CELSR1: variants seen among roughly 807,000 people sequenced by gnomAD.
CELSR1 encodes the protein adhesion G protein-coupled receptor C1.
In CELSR1, 110 loss-of-function variants were observed where a neutral mutation model predicts 249.1. That is an observed-to-expected ratio of 0.44 (90% CI 0.38 to 0.52). The LOEUF (loss-of-function observed/expected upper bound fraction) is 0.52, where lower values mean the gene tolerates loss of function less well. Ranked by LOEUF, CELSR1 falls within the 20% of genes least tolerant of loss-of-function variation. CELSR1 has a pLI of 0.00. For synonymous variants in CELSR1, 2,113 were observed against 1,900.0 expected, an observed-to-expected ratio of 1.11 and a Z score of -2.92; for missense variants, 4,109 against 4,296.4, an observed-to-expected ratio of 0.96 and a Z score of 1.22.
chr22:46,410,856 A>G lies in CELSR1; in HGVS notation c.4770-295T>C, dbSNP rs114952510. ...ACCGAGACAGGATGTGAGCGCAGGG[A>G]GCACAGGTCAAGGCCAGCAGGGACT... On this transcript the variant is annotated intron_variant, in intron 6 of 34. Coordinates refer to ENST00000674500, the MANE Select transcript of CELSR1 (RefSeq NM_001378328.1). This position sits in a 1 kb window ranked among gnomAD's most constrained non-coding sequence, Gnocchi z 6.8. Among the ~76,000 whole-genome samples the G allele has an allele frequency of 6.6e-6, 1 of 151,852 alleles. No individual in the cohort carries two copies. Among genetic ancestry groups the G allele is most frequent in the African/African-American group, 2.4e-5 (1 of 41,410 alleles).
Position 46,449,655 on chromosome 22 carries a change from T to TA in CELSR1, c.4184-10245dup, listed in dbSNP as rs201585778. 4.6e-5 allele frequency among the ~76,000 whole-genome samples: 7 copies of TA among 151,908 alleles called. No homozygotes were observed. In the South Asian group the frequency reaches 1.0e-3, roughly 23 times the overall value. On this transcript the variant is annotated intron_variant, in intron 2 of 34. Coordinates refer to ENST00000674500, the MANE Select transcript of CELSR1 (RefSeq NM_001378328.1). ...TGCCCTCATGGAGTTTCCATCTAGG[T>TA]AAAAAAATGTCAGATGTTCAGAAAA...
chr22:46,464,468 C>T lies in CELSR1; in HGVS notation c.3545-123G>A, dbSNP rs2080074839. ...GGAGAAGAGAGCCTGGGCATCCCCACTCCCCATTCCCCACCCATGACCACC... is the reference window on the plus strand; with the variant it reads ...GGAGAAGAGAGCCTGGGCATCCCCATTCCCCATTCCCCACCCATGACCACC... On this transcript the variant is annotated intron_variant, in intron 1 of 34. Transcript: ENST00000674500. The surrounding 1 kb of genome is among the most constrained non-coding windows in gnomAD (Gnocchi z 8.5). 1 of 989,226 alleles carries T rather than the reference C, an allele frequency of 1.0e-6. No homozygotes were observed. Among genetic ancestry groups the T allele is most frequent in the African/African-American group, 1.6e-5 (1 of 61,392 alleles). The allele number at this position is 989,226 out of a possible 1,614,324, so 61.3% of individuals were successfully genotyped here.
chr22:46,515,171 C>G (rs1409804643), intron 1 of CELSR1, among the ~76,000 whole-genome samples: 5 of 152,158 alleles, frequency 3.3e-5, no homozygotes, highest in African/African-American at 1.2e-4. Flanking sequence ...CAGTAGGAGC[C>G]ATTCCACCCG....
At chr22:46,416,284 G>A (rs979952723) in intron 5 of CELSR1, among the ~76,000 whole-genome samples, 11 of 152,264 alleles carry the variant, frequency 7.2e-5, no homozygotes, top group African/African-American at 2.7e-4. Context: ...CACAGGATGG[G>A]CCAAGGCCAG....
intron 1 of CELSR1, among the ~76,000 whole-genome samples, chr22:46,505,227 A>C (rs2080503827): frequency 7.6e-6 from 1 of 131,986 alleles, no homozygotes; most frequent in Admixed American, 8.7e-5. Context: ...GCGCCACTGC[A>C]CTCCAGCCTG....
At chr22:46,461,907 T>G (rs2080033041) in intron 2 of CELSR1, among the ~76,000 whole-genome samples, 3 of 152,170 alleles carry the variant, frequency 2.0e-5, no homozygotes, top group Non-Finnish European at 4.4e-5. Context: ...AGCTGGCCCT[T>G]CAGAGAGGCA....
chr22:46,388,857 G>A (rs1379366485), intron 18 of CELSR1, among the ~76,000 whole-genome samples: 1 of 152,110 alleles, frequency 6.6e-6, no homozygotes, highest in Non-Finnish European at 1.5e-5. Flanking sequence ...GTGGACATGG[G>A]GGCCCACTGC....
At chr22:46,453,627 G>C (rs2079911822) in intron 2 of CELSR1, among the ~76,000 whole-genome samples, 1 of 152,220 alleles carries the variant, frequency 6.6e-6, no homozygotes, top group Non-Finnish European at 1.5e-5. Flanking sequence ...CCACACCAGA[G>C]AAAAGGCTTG....
chr22:46,510,327 G>T lies in CELSR1; in HGVS notation c.3544+23300C>A, dbSNP rs559029012. Among the ~76,000 whole-genome samples the T allele has an allele frequency of 3.9e-4, 59 of 152,158 alleles. No individual in the cohort carries two copies. In the East Asian group the frequency reaches 0.01, roughly 27 times the overall value. On this transcript the variant is annotated intron_variant, in intron 1 of 34. Coordinates refer to ENST00000674500, the MANE Select transcript of CELSR1 (RefSeq NM_001378328.1). ...CACACCCCCTTCCTGAGCCACAGAG[G>T]CTGGAATGCACCCCCTTTCCGAGCC...
chr22:46,428,488 C>T lies in CELSR1; in HGVS notation c.4611+4905G>A, dbSNP rs566307888. ...CTCCACCTGAAGCTACCAGGACTCC[C>T]GCTAGCTGAGCTCCCGTCTCACTAG... On this transcript the variant is annotated intron_variant, in intron 5 of 34. Coordinates refer to ENST00000674500, the MANE Select transcript of CELSR1 (RefSeq NM_001378328.1). The surrounding 1 kb of genome is among the most constrained non-coding windows in gnomAD (Gnocchi z 5.7). Among the ~76,000 whole-genome samples the T allele has an allele frequency of 3.9e-4, 59 of 152,330 alleles. No individual in the cohort carries two copies. Among genetic ancestry groups the T allele is most frequent in the Non-Finnish European group, 6.3e-4 (43 of 68,028 alleles).
rs773977169 is a variant in CELSR1 at position 46,391,036 on chromosome 22, G to A, written c.6250+150C>T. The A allele has an allele frequency of 1.2e-4, 81 of 656,234 alleles. No homozygotes were observed. The highest frequency in any genetic ancestry group is 2.0e-4 in the Non-Finnish European group (75 of 383,586). The allele number at this position is 656,234 out of a possible 1,614,324, so 40.7% of individuals were successfully genotyped here. On this transcript the variant is annotated intron_variant, in intron 16 of 34. Coordinates refer to ENST00000674500, the MANE Select transcript of CELSR1 (RefSeq NM_001378328.1). The surrounding 1 kb of genome is among the most constrained non-coding windows in gnomAD (Gnocchi z 4.3). ...CCTCTGCCTGCTTTGTGTATTTCCT[G>A]GTAGGGAAAAGGCGATCGGATTTCT...
intron 3 of CELSR1, among the ~76,000 whole-genome samples, chr22:46,438,876 G>C (rs946289045): frequency 9.9e-5 from 15 of 152,174 alleles, no homozygotes; most frequent in African/African-American, 3.6e-4. Flanking sequence ...TCTTGTCTCA[G>C]CCTCCTGAGT....
chr22:46,474,166 A>AAGGGCGCAGCTCTGCCCGGGGGC (rs1178200425), intron 1 of CELSR1, among the ~76,000 whole-genome samples: 1 of 152,150 alleles, frequency 6.6e-6, no homozygotes, highest in Admixed American at 6.5e-5. Context: ...AGTCAAGGTA[A>AAGGGCGCAGCTCTGCCCGGGGGC]AGGGCGCAGC....
intron 5 of CELSR1, among the ~76,000 whole-genome samples, chr22:46,426,932 C>T (rs1465960465): frequency 6.6e-6 from 1 of 152,200 alleles, no homozygotes; most frequent in Non-Finnish European, 1.5e-5. Flanking sequence ...AAGTACCCAG[C>T]CTTGTGTGTT....
chr22:46,375,071 C>A (rs538690661), intron 24 of CELSR1, among the ~76,000 whole-genome samples: 3 of 152,182 alleles, frequency 2.0e-5, no homozygotes, highest in Admixed American at 2.0e-4. Flanking sequence ...CCTGCCTTCC[C>A]TCTTGAGGTA....
intron 1 of CELSR1, among the ~76,000 whole-genome samples, chr22:46,466,982 A>G (rs2080103500): frequency 6.6e-6 from 1 of 152,224 alleles, no homozygotes; most frequent in Non-Finnish European, 1.5e-5. Flanking sequence ...CAAAGCCTCC[A>G]GGAACCTGGC....
chr22:46,426,630 G>A (rs2079541002), intron 5 of CELSR1, among the ~76,000 whole-genome samples: 3 of 152,168 alleles, frequency 2.0e-5, no homozygotes, highest in African/African-American at 7.2e-5. Flanking sequence ...GGGTGCTATG[G>A]TCTGAAGTGT....
At position 46,409,610 on chromosome 22, in the gene CELSR1, T is replaced by A; in HGVS notation, c.5059+145A>T. 1 of 953,202 alleles carries A rather than the reference T, an allele frequency of 1.0e-6. No homozygotes were observed. The highest frequency in any genetic ancestry group is 1.6e-6 in the Non-Finnish European group (1 of 632,662). The allele number at this position is 953,202 out of a possible 1,614,324, so 59.0% of individuals were successfully genotyped here. ...GAGGACAGTCTCTTGGAGAGGGCGG[T>A]GTGAGTCCACAGTAAATGCAGCATA... is the stretch of plus-strand genomic sequence containing the variant. On this transcript the variant is annotated intron_variant, in intron 8 of 34. Coordinates refer to ENST00000674500, the MANE Select transcript of CELSR1 (RefSeq NM_001378328.1). This position sits in a 1 kb window ranked among gnomAD's most constrained non-coding sequence, Gnocchi z 9.8.
chr22:46,439,119 T>A (rs1419960200), intron 3 of CELSR1, 70 bp downstream of exon 3: 4 of 1,389,536 alleles, frequency 2.9e-6, no homozygotes, highest in South Asian at 1.3e-5. Context: ...TCTAGAGGGA[T>A]GGGGTGCACG....
Sources: allele counts gnomAD v4.1 joint callset (sites outside exome capture counted in the v4.1 genomes callset), GRCh38; gene constraint gnomAD v4.1.1; non-coding constraint Gnocchi (gnomAD v3.1); transcripts MANE v1.5; gene names NCBI Gene and HGNC (gene_info 2026-07-23, HGNC 2026-07-21).